Variants in GNB1 observed in about 807,000 individuals in gnomAD.
GNB1 encodes the protein G protein subunit beta 1, also known as guanine nucleotide-binding protein G(I)/G(S)/G(T) subunit beta-1.
A neutral mutation model predicts 42.9 loss-of-function variants in GNB1; 2 were observed. The observed-to-expected ratio is 0.05, with a 90% CI of 0.02 to 0.15. The LOEUF (loss-of-function observed/expected upper bound fraction) is 0.15, where lower values mean the gene tolerates loss of function less well. Ranked by LOEUF, GNB1 falls within the 10% of genes least tolerant of loss-of-function variation. The probability of loss-of-function intolerance (pLI) is 1.00; values close to 1 mark genes in which losing one functional copy is unlikely to be tolerated. For synonymous variants in GNB1, 183 were observed against 174.7 expected (o/e 1.05, Z -0.38); for missense variants, 193 against 462.2 (o/e 0.42, Z 5.34).
intron 4 of GNB1, among the ~76,000 whole-genome samples, chr1:1,816,374 G>A (rs978465979): frequency 3.4e-4 from 51 of 152,166 alleles, no homozygotes; most frequent in African/African-American, 1.2e-3. Flanking sequence ...TATAGACACT[G>A]ATGTTAATGA....
chr1:1,797,923 G>A (rs1043737026), intron 7 of GNB1, among the ~76,000 whole-genome samples: 2 of 152,200 alleles, frequency 1.3e-5, no homozygotes, highest in African/African-American at 4.8e-5. Flanking sequence ...TCCCTCACTA[G>A]TCCTCCTCCG....
intron 8 of GNB1, among the ~76,000 whole-genome samples, chr1:1,791,989 C>T (rs1210200677): frequency 1.3e-5 from 2 of 152,086 alleles, no homozygotes; most frequent in African/African-American, 4.8e-5. Context: ...GTGAACCCCA[C>T]CAACTGCGTG....
chr1:1,816,594 A>G (rs373574486), intron 4 of GNB1, among the ~76,000 whole-genome samples: 31 of 149,672 alleles, frequency 2.1e-4, no homozygotes, highest in African/African-American at 7.4e-4. Context: ...GTAGGAATAT[A>G]GTTTTTCTTT....
rs1646567702 is a variant in GNB1 at position 1,797,864 on chromosome 1, TGAAAG to T, written c.431-4558_431-4554del. On this transcript the variant is annotated intron_variant, in intron 7 of 11. Transcript: ENST00000378609. ...CCCAAGGGAGGCGCACAGGACACAC[TGAAAG>T]GCAGGCGGGCAAATGCCAAGAAGTC... 2.0e-5 allele frequency among the ~76,000 whole-genome samples: 3 copies of T among 152,192 alleles called. No homozygotes were observed. The South Asian group carries it at 6.2e-4, about 31-fold the overall frequency.
chr1:1,830,237 C>T (rs1030802503), intron 2 of GNB1, among the ~76,000 whole-genome samples: 2 of 151,932 alleles, frequency 1.3e-5, no homozygotes, highest in East Asian at 1.9e-4. Context: ...TTTCTTTATA[C>T]TTTTCAGTTT....
chr1:1,817,065 G>C (rs1225351413), intron 4 of GNB1, among the ~76,000 whole-genome samples: 1 of 152,062 alleles, frequency 6.6e-6, no homozygotes, highest in African/African-American at 2.4e-5. Context: ...AAGGAGACCA[G>C]ACATTGATTC....
chr1:1,819,220 C>T (rs1329981014), intron 3 of GNB1, among the ~76,000 whole-genome samples: 1 of 151,562 alleles, frequency 6.6e-6, no homozygotes, highest in Non-Finnish European at 1.5e-5. Context: ...TTTTTAATCA[C>T]AACTATTTTT....
rs530634298 is a variant in GNB1 at position 1,825,787 on chromosome 1, C to T, written c.-46-288G>A. On this transcript the variant is annotated intron_variant, in intron 2 of 11. Transcript: ENST00000378609. ...GGCTGAGGCAGGAGAATGGCGTGAACCTGGGAGGCAGAGCTTGCAGTGAGC... is the reference window on the plus strand; with the variant it reads ...GGCTGAGGCAGGAGAATGGCGTGAATCTGGGAGGCAGAGCTTGCAGTGAGC... 2.0e-5 allele frequency among the ~76,000 whole-genome samples: 3 copies of T among 151,866 alleles called. No individual in the cohort carries two copies. The East Asian group carries it at 5.8e-4, about 29-fold the overall frequency.
intron 1 of GNB1, among the ~76,000 whole-genome samples, chr1:1,854,702 T>A (rs932717280): frequency 6.6e-6 from 1 of 151,922 alleles, no homozygotes; most frequent in Non-Finnish European, 1.5e-5. Context: ...AGCCCAGGAG[T>A]TGGAGGCCAG....
intron 1 of GNB1, among the ~76,000 whole-genome samples, chr1:1,879,922 G>GT (rs1344278665): frequency 1.3e-5 from 2 of 151,892 alleles, no homozygotes; most frequent in African/African-American, 4.8e-5. Context: ...GAAAAGAGCT[G>GT]TTTTTTGTTG....
chr1:1,865,167 C>A (rs1648856391), intron 1 of GNB1, among the ~76,000 whole-genome samples: 1 of 149,110 alleles, frequency 6.7e-6, no homozygotes, highest in African/African-American at 2.5e-5. Flanking sequence ...GAGGCTGAGG[C>A]AGGAGAATGG....
chr1:1,868,103 G>A (rs902738099), intron 1 of GNB1, among the ~76,000 whole-genome samples: 1 of 152,136 alleles, frequency 6.6e-6, no homozygotes, highest in African/African-American at 2.4e-5. Context: ...CTGTATTTAT[G>A]TCTATCTATT....
chr1:1,838,737 C>T (rs1647184391), intron 2 of GNB1, among the ~76,000 whole-genome samples: 1 of 152,136 alleles, frequency 6.6e-6, no homozygotes, highest in African/African-American at 2.4e-5. Context: ...AGCCACCGCA[C>T]CCGGCCATAT....
At position 1,817,861 on chromosome 1, in the gene GNB1, T is replaced by C. The variant is rs369342974; in HGVS notation, c.72A>G (p.Ala24=). The C allele has an allele frequency of 2.5e-6, 4 of 1,612,400 alleles. No individual in the cohort carries two copies. In the African/African-American group the frequency reaches 4.0e-5, roughly 16 times the overall value. ...CCTGAGAGAGAGTTGCATCTGCACA[T>C]GCTTTCCTGGCGTCCTGGGAAGCAA... ...LKNQIRDARK[A]CADATLSQIT... Residue 24 remains alanine, a synonymous_variant, in exon 4 of 12, where the codon GCA becomes GCG. Coordinates refer to ENST00000378609, the MANE Select transcript of GNB1 (RefSeq NM_002074.5).
At chr1:1,846,597 A>G (rs1377503726) in intron 1 of GNB1, among the ~76,000 whole-genome samples, 2 of 152,088 alleles carry the variant, frequency 1.3e-5, no homozygotes, top group African/African-American at 4.8e-5. Flanking sequence ...TCAGAGTCTC[A>G]CTGTCACCCA....
At chr1:1,866,655 A>T (rs1026572884) in intron 1 of GNB1, among the ~76,000 whole-genome samples, 1 of 147,592 alleles carries the variant, frequency 6.8e-6, no homozygotes. Context: ...AAAAATCGCT[A>T]AAAAAAAATC....
At chr1:1,798,178 C>T (rs988559390) in intron 7 of GNB1, among the ~76,000 whole-genome samples, 3 of 152,194 alleles carry the variant, frequency 2.0e-5, no homozygotes, top group Non-Finnish European at 4.4e-5. Context: ...GAGGAGTGCC[C>T]GGGCACCATG....
At chr1:1,827,998 A>T (rs1647022577) in intron 2 of GNB1, among the ~76,000 whole-genome samples, 1 of 152,148 alleles carries the variant, frequency 6.6e-6, no homozygotes, top group East Asian at 1.9e-4. Flanking sequence ...ATCTCGGGAA[A>T]GAGAAACGCA....
chr1:1,822,264 G>A (rs372950742), intron 3 of GNB1, among the ~76,000 whole-genome samples: 47 of 151,786 alleles, frequency 3.1e-4, no homozygotes, highest in African/African-American at 1.1e-3. Flanking sequence ...TGGGATTAAC[G>A]GCATGAGCCA....
Sources: gnomAD v4.1 joint callset for allele counts (sites outside exome capture counted in the v4.1 genomes callset) on GRCh38, gnomAD v4.1.1 for gene constraint, MANE v1.5 for transcripts, NCBI Gene and HGNC (gene_info 2026-07-23, HGNC 2026-07-21) for gene names.